Variants in SLC30A7 observed in about 807,000 individuals in gnomAD.
The protein encoded by SLC30A7 is zinc transporter 7.
SLC30A7 carries 35 observed loss-of-function variants against 46.0 expected under a neutral mutation model. The ratio of observed to expected loss-of-function variants is 0.76; its 90% CI spans 0.58 to 1.01. The LOEUF is 1.01. Among genes scored for constraint, SLC30A7 ranks in the 50% least tolerant of loss-of-function variants. SLC30A7 has a pLI of 0.00. For synonymous variants in SLC30A7, 147 were observed against 157.8 expected, an observed-to-expected ratio of 0.93 and a Z score of 0.51; for missense variants, 464 against 451.1, an observed-to-expected ratio of 1.03 and a Z score of -0.26.
chr1:100,956,361 A>G (rs1295097286), intron 8 of SLC30A7, among the ~76,000 whole-genome samples: 1 of 152,150 alleles, frequency 6.6e-6, no homozygotes, highest in Non-Finnish European at 1.5e-5. Flanking sequence ...TTTAGGAGGA[A>G]AAAAGGAAGT....
the SLC30A7 span, among the ~76,000 whole-genome samples, chr1:100,991,495 A>C: frequency 6.6e-6 from 1 of 152,154 alleles, no homozygotes; most frequent in Non-Finnish European, 1.5e-5. Flanking sequence ...ACAATCACTC[A>C]AGAATCTCTT....
chr1:100,941,389 T>C, intron 8 of SLC30A7: 2 of 393,734 alleles, frequency 5.1e-6, no homozygotes, highest in Non-Finnish European at 9.8e-6. Context: ...CACTTCACCC[T>C]TTTCGGCTAG....
intron 8 of SLC30A7, among the ~76,000 whole-genome samples, chr1:100,940,838 T>C (rs1284688467): frequency 6.6e-6 from 1 of 152,294 alleles, no homozygotes; most frequent in Non-Finnish European, 1.5e-5. Context: ...TAATCACAAA[T>C]ATAGTTTTCA....
At chr1:100,989,038 G>A in the SLC30A7 span, among the ~76,000 whole-genome samples, 2 of 151,968 alleles carry the variant, frequency 1.3e-5, no homozygotes, top group Non-Finnish European at 2.9e-5. Flanking sequence ...AGAAAAATTG[G>A]TTAGGCCATG....
chr1:100,966,255 AATAT>A (rs1038894962), intron 10 of SLC30A7, among the ~76,000 whole-genome samples: 5 of 150,586 alleles, frequency 3.3e-5, no homozygotes, highest in African/African-American at 4.9e-5. Context: ...TAACATAATA[AATAT>A]ATATACTACT....
intron 8 of SLC30A7, among the ~76,000 whole-genome samples, chr1:100,958,245 C>T (rs185235628): frequency 1.3e-5 from 2 of 152,090 alleles, no homozygotes; most frequent in East Asian, 1.9e-4. Context: ...GGCCCTATCT[C>T]GGCTCACTGC....
intron 10 of SLC30A7, among the ~76,000 whole-genome samples, chr1:100,971,120 C>G (rs1363958821): frequency 6.6e-6 from 1 of 151,622 alleles, no homozygotes; most frequent in African/African-American, 2.4e-5. Context: ...CACTGATACT[C>G]AGGAAGAAAC....
downstream of SLC30A7, among the ~76,000 whole-genome samples, chr1:100,982,288 G>T (rs779108503): frequency 1.7e-4 from 26 of 152,176 alleles, no homozygotes; most frequent in Admixed American, 2.6e-4. Flanking sequence ...TCTGCTGTCA[G>T]ATTCCTTGTA....
At chr1:100,990,610 C>A in the SLC30A7 span, 2 of 1,614,024 alleles carry the variant, frequency 1.2e-6, no homozygotes, top group South Asian at 1.1e-5. Context: ...TAAGCCAACA[C>A]AAAGTGTCTC....
At chr1:100,928,457 G>GT (rs71310160) in intron 8 of SLC30A7, among the ~76,000 whole-genome samples, 12,729 of 152,086 alleles carry the variant, frequency 0.084, 712 homozygotes, top group Middle Eastern at 0.21. Flanking sequence ...TTTAAAAGTA[G>GT]TTTTTTTAAT....
chr1:100,972,959 TTCTG>T (rs1656241725), intron 10 of SLC30A7, among the ~76,000 whole-genome samples: 1 of 151,992 alleles, frequency 6.6e-6, no homozygotes, highest in African/African-American at 2.4e-5. Flanking sequence ...AGATACTGAA[TTCTG>T]TCTTTTTTTC....
At chr1:100,988,301 C>T in the SLC30A7 span, among the ~76,000 whole-genome samples, 1 of 152,034 alleles carries the variant, frequency 6.6e-6, no homozygotes, top group Non-Finnish European at 1.5e-5. Context: ...TGGGAAAGAC[C>T]GAAGGGGAAA....
intron 8 of SLC30A7, among the ~76,000 whole-genome samples, chr1:100,939,335 T>C (rs1360308075): frequency 2.0e-5 from 3 of 152,108 alleles, no homozygotes; most frequent in African/African-American, 4.8e-5. Context: ...GTTACAGATA[T>C]AAGATTGATA....
At chr1:100,911,740 C>T (rs1279704353) in intron 4 of SLC30A7, among the ~76,000 whole-genome samples, 1 of 151,638 alleles carries the variant, frequency 6.6e-6, no homozygotes, top group South Asian at 2.1e-4. Context: ...TTAGTAGAAA[C>T]GGGGTTTCAC....
chr1:100,991,842 A>T, the SLC30A7 span, among the ~76,000 whole-genome samples: 1 of 150,664 alleles, frequency 6.6e-6, no homozygotes, highest in East Asian at 1.9e-4. Context: ...CACACCTGTA[A>T]TCCCAACACT....
rs545857990 is a variant in SLC30A7 at position 100,914,327 on chromosome 1, G to A, written c.655+521G>A. On this transcript the variant is annotated intron_variant, in intron 6 of 10. Transcript: ENST00000357650. ...AACTATTTTTTTGTACTCATTAACC[G>A]TCCCCCTTTCCCTCCCCTCAAATGC... Among the ~76,000 whole-genome samples, 10 of 152,136 alleles carry A rather than the reference G, an allele frequency of 6.6e-5. No homozygotes were observed. In the East Asian group the frequency reaches 9.6e-4, roughly 15 times the overall value.
intron 8 of SLC30A7, among the ~76,000 whole-genome samples, chr1:100,951,629 G>T (rs1654958329): frequency 6.6e-6 from 1 of 152,164 alleles, no homozygotes; most frequent in Admixed American, 6.5e-5. Flanking sequence ...CTGTGCCTTT[G>T]TTCGTGCTGC....
At chr1:100,914,954 C>T (rs556135044) in intron 6 of SLC30A7, among the ~76,000 whole-genome samples, 1 of 151,942 alleles carries the variant, frequency 6.6e-6, no homozygotes, top group Non-Finnish European at 1.5e-5. Context: ...TTTCTAACTA[C>T]TCTATTGAGA....
intron 7 of SLC30A7, among the ~76,000 whole-genome samples, chr1:100,919,107 G>T (rs1168319934): frequency 6.6e-6 from 1 of 152,200 alleles, no homozygotes; most frequent in African/African-American, 2.4e-5. Context: ...TTAATGCAAA[G>T]TGAGAACTCC....
Sources: gnomAD v4.1 joint callset for allele counts (sites outside exome capture counted in the v4.1 genomes callset) on GRCh38, gnomAD v4.1.1 for gene constraint, MANE v1.5 for transcripts, NCBI Gene and HGNC (gene_info 2026-07-23, HGNC 2026-07-21) for gene names.